Variants in AKAP14 observed in about 807,000 individuals in gnomAD.
The protein encoded by AKAP14 is A-kinase anchoring protein 14.
AKAP14 carries 4 observed loss-of-function variants against 17.0 expected under a neutral mutation model. That is an observed-to-expected ratio of 0.23 (90% confidence interval 0.12 to 0.54). The LOEUF is 0.54. AKAP14 is among the 20% of genes least tolerant of loss of function. AKAP14 has a pLI of 0.95. For missense variants in AKAP14, 129 were observed against 150.9 expected (o/e 0.85, Z 0.76); for synonymous variants, 42 against 51.3 (o/e 0.82, Z 0.77).
At chrX:119,902,230 C>G (rs891226660) in intron 2 of AKAP14, among the ~76,000 whole-genome samples, 2 of 108,555 alleles carry the variant, frequency 1.8e-5, no homozygotes, top group Non-Finnish European at 3.8e-5. Flanking sequence ...CATGAGCCAC[C>G]ATGCCCAGCT....
chrX:119,920,533 A>G lies in AKAP14; in HGVS notation c.520A>G (p.Asn174Asp). 1 of 1,209,851 alleles carries G rather than the reference A, an allele frequency of 8.3e-7. No homozygotes were observed. Among genetic ancestry groups the G allele is most frequent in the Non-Finnish European group, 1.1e-6 (1 of 894,204 alleles). ...ACCAGGAATGGTTCGCTTTCGAGAAAACTGGCAGAAGAATCTTACTGATGC... is the reference window on the plus strand; with the variant it reads ...ACCAGGAATGGTTCGCTTTCGAGAAGACTGGCAGAAGAATCTTACTGATGC... ...HRPGMVRFRENWQKNLTDAKY... is the reference protein window; with the variant it reads ...HRPGMVRFREDWQKNLTDAKY... The change falls in exon 7 of 7, where the codon AAC becomes GAC. Residue 174 changes from asparagine (N) to aspartate (D), a missense_variant. Asn to Asp is a conservative substitution (Grantham distance 23). Coordinates refer to ENST00000371431, the MANE Select transcript of AKAP14 (RefSeq NM_178813.6).
intron 5 of AKAP14, 39 bp from the exon 6 acceptor site, chrX:119,919,872 T>A: frequency 8.4e-7 from 1 of 1,191,402 alleles, no homozygotes; most frequent in East Asian, 3.0e-5. Flanking sequence ...AGAGTTGGTA[T>A]GACTGGTCTG....
intron 5 of AKAP14, among the ~76,000 whole-genome samples, chrX:119,919,055 C>T (rs1463696473): frequency 9.0e-6 from 1 of 111,389 alleles, no homozygotes; most frequent in Non-Finnish European, 1.9e-5. Flanking sequence ...TGCTAATTGG[C>T]CAGGTCAGAG....
chrX:119,903,492 C>T lies in AKAP14; in HGVS notation c.170-3C>T, dbSNP rs1182495143. ...CTAACGAACTCACACCTTTTTTTTG[C>T]AGAGGAGCGAAACCCTTTGAAAAAC... On this transcript the variant is annotated splice_region_variant and splice_polypyrimidine_tract_variant and intron_variant, in intron 3 of 6. Transcript: ENST00000371431. 4 of 1,209,190 alleles carry T rather than the reference C, an allele frequency of 3.3e-6. No homozygotes were observed. Among genetic ancestry groups the T allele is most frequent in the African/African-American group, 3.5e-5 (2 of 57,096 alleles).
chrX:119,917,963 G>C (rs1406746489), intron 5 of AKAP14, among the ~76,000 whole-genome samples: 1 of 112,189 alleles, frequency 8.9e-6, no homozygotes, highest in East Asian at 2.8e-4. Context: ...GGGCCTACAA[G>C]GCCCTGTGTG....
At chrX:119,914,479 C>G (rs1227437061) in intron 4 of AKAP14, among the ~76,000 whole-genome samples, 1 of 109,733 alleles carries the variant, frequency 9.1e-6, no homozygotes, top group South Asian at 4.0e-4. Context: ...TGCCACCATG[C>G]CTGGCTAATT....
chrX:119,897,060 T>C (rs868655634), intron 2 of AKAP14, among the ~76,000 whole-genome samples: 2 of 111,049 alleles, frequency 1.8e-5, no homozygotes, highest in Admixed American at 9.6e-5. Flanking sequence ...TCCTCCCACA[T>C]TGGCCTTCCA....
At chrX:119,920,056 G>A in intron 6 of AKAP14, 93 bp downstream of exon 6, 1 of 920,155 alleles carries the variant, frequency 1.1e-6, no homozygotes, top group Middle Eastern at 2.7e-4. Context: ...GATAGTTCAT[G>A]TAATGGTCAC....
intron 4 of AKAP14, among the ~76,000 whole-genome samples, chrX:119,904,010 C>A (rs1030053444): frequency 2.7e-5 from 3 of 111,389 alleles, no homozygotes; most frequent in African/African-American, 6.5e-5. Flanking sequence ...GGGGCTCGAT[C>A]CTAGCTCCCT....
At position 119,910,980 on chromosome X, in the gene AKAP14, A is replaced by G. The variant is rs148820516; in HGVS notation, c.262-3719A>G. 2.1e-3 allele frequency among the ~76,000 whole-genome samples: 229 copies of G among 107,861 alleles called. 2 individuals carry two copies. The highest frequency in any genetic ancestry group is 7.4e-3 in the African/African-American group (220 of 29,794). 93.7% of individuals were successfully genotyped at this position (107,861 alleles called of 115,157 possible). ...CCCGGCCTTTTTCTTCTAATTTTAA[A>G]AGAAATGAACACATTTTTTTTGTGG... is the stretch of plus-strand genomic sequence containing the variant. On this transcript the variant is annotated intron_variant, in intron 4 of 6. Transcript: ENST00000371431.
chrX:119,908,982 G>A (rs1226060779), intron 4 of AKAP14, among the ~76,000 whole-genome samples: 1 of 111,108 alleles, frequency 9.0e-6, no homozygotes, highest in African/African-American at 3.3e-5. Context: ...GCACTGAGCG[G>A]GCTGCTCAGG....
intron 2 of AKAP14, among the ~76,000 whole-genome samples, chrX:119,898,919 A>G (rs2056547349): frequency 9.2e-6 from 1 of 108,326 alleles, no homozygotes; most frequent in Non-Finnish European, 1.9e-5. Flanking sequence ...CTGTAATCCC[A>G]GCACTTTGGG....
At chrX:119,912,711 G>A (rs1046101143) in intron 4 of AKAP14, among the ~76,000 whole-genome samples, 2 of 111,115 alleles carry the variant, frequency 1.8e-5, no homozygotes, top group Admixed American at 1.9e-4. Flanking sequence ...TTTCAATAAT[G>A]TAGTTAACCT....
At chrX:119,899,873 G>A (rs1160020711) in intron 2 of AKAP14, among the ~76,000 whole-genome samples, 3 of 111,877 alleles carry the variant, frequency 2.7e-5, no homozygotes, top group Admixed American at 9.5e-5. Flanking sequence ...GCTCCATTTG[G>A]AGAGAGATAC....
At chrX:119,900,179 G>A (rs1350392449) in intron 2 of AKAP14, among the ~76,000 whole-genome samples, 1 of 110,458 alleles carries the variant, frequency 9.1e-6, no homozygotes, top group Non-Finnish European at 1.9e-5. Flanking sequence ...CACAACCTCC[G>A]CCTCCCAGAT....
Position 119,916,646 on chromosome X carries a change from C to T in AKAP14, c.441+1768C>T, listed in dbSNP as rs188423365. Among the ~76,000 whole-genome samples, 720 of 87,742 alleles carry T rather than the reference C, an allele frequency of 8.2e-3. 11 individuals carry two copies. The highest frequency in any genetic ancestry group is 0.028 in the African/African-American group (679 of 23,996). 76.2% of individuals were successfully genotyped at this position (87,742 alleles called of 115,157 possible). ...ATGGGACTACAGGCATGCACCACCACGCCTGGCTTTTTTTTTTTTTTTTTT... is the reference window on the plus strand; with the variant it reads ...ATGGGACTACAGGCATGCACCACCATGCCTGGCTTTTTTTTTTTTTTTTTT... On this transcript the variant is annotated intron_variant, in intron 5 of 6. Coordinates refer to ENST00000371431, the MANE Select transcript of AKAP14 (RefSeq NM_178813.6).
At chrX:119,905,219 G>C (rs1014124121) in intron 4 of AKAP14, among the ~76,000 whole-genome samples, 1 of 112,234 alleles carries the variant, frequency 8.9e-6, no homozygotes, top group Non-Finnish European at 1.9e-5. Context: ...CCAGGCCTTA[G>C]GAAGGCCTGG....
chrX:119,919,715 G>A (rs2056678036), intron 5 of AKAP14, 196 bp from the exon 6 acceptor site: 3 of 339,765 alleles, frequency 8.8e-6, no homozygotes, highest in South Asian at 1.4e-4. Flanking sequence ...GTGTGGTGGC[G>A]GGCATCTATG....
At chrX:119,914,171 C>T (rs1211046942) in intron 4 of AKAP14, among the ~76,000 whole-genome samples, 2 of 100,963 alleles carry the variant, frequency 2.0e-5, no homozygotes, top group Non-Finnish European at 4.0e-5. Flanking sequence ...CTGGGAGGCA[C>T]AGGTTGCAAT....
Sources: gnomAD v4.1 joint callset for allele counts (sites outside exome capture counted in the v4.1 genomes callset) on GRCh38, gnomAD v4.1.1 for gene constraint, MANE v1.5 for transcripts, NCBI Gene and HGNC (gene_info 2026-07-23, HGNC 2026-07-21) for gene names.